FKBP3: variants seen among roughly 807,000 people sequenced by gnomAD.
The protein encoded by FKBP3 is peptidyl-prolyl cis-trans isomerase FKBP3.
Under a neutral mutation model 30.6 loss-of-function variants are expected in FKBP3, and 21 were observed. That is an observed-to-expected ratio of 0.69 (90% CI 0.49 to 0.99). The LOEUF (loss-of-function observed/expected upper bound fraction) is 0.99, where lower values mean the gene tolerates loss of function less well. Ranked by LOEUF, FKBP3 falls within the 50% of genes least tolerant of loss-of-function variation. FKBP3 has a pLI of 0.00. For synonymous variants in FKBP3, 82 were observed against 91.3 expected (o/e 0.90, Z 0.58); for missense variants, 283 against 261.6 (o/e 1.08, Z -0.56).
chr14:45,119,421 A>C (rs1028897822), intron 5 of FKBP3, among the ~76,000 whole-genome samples: 1 of 151,788 alleles, frequency 6.6e-6, no homozygotes. Context: ...TAGGAATGCA[A>C]AATTAGGTGT....
At chr14:45,134,227 A>G in intron 1 of FKBP3, 122 bp downstream of exon 1, 1 of 846,424 alleles carries the variant, frequency 1.2e-6, no homozygotes, top group Non-Finnish European at 1.9e-6. Flanking sequence ...CCGGCCTTCC[A>G]GGCCACCGGC....
rs772262482 is a variant in FKBP3, at chr14:45,120,996, TTTA to T, written c.455-45_455-43del. On this transcript the variant is annotated intron_variant, in intron 4 of 6. Transcript: ENST00000396062. ...CCTTATCATTAATGATATACTCTAA[TTTA>T]TTATTAAGAAATTTCCATTGGAAAT... 42 of 1,416,658 alleles carry T rather than the reference TTTA, an allele frequency of 3.0e-5. No homozygotes were observed. In the African/African-American group the frequency reaches 5.0e-4, roughly 17 times the overall value. 87.8% of individuals were successfully genotyped at this position (1,416,658 alleles called of 1,614,324 possible).
chr14:45,120,576 AAG>A (rs1249284201), intron 5 of FKBP3, among the ~76,000 whole-genome samples: 1 of 152,226 alleles, frequency 6.6e-6, no homozygotes, highest in Non-Finnish European at 1.5e-5. Flanking sequence ...TTACTTTATG[AAG>A]AAAAATAATA....
intron 3 of FKBP3, among the ~76,000 whole-genome samples, chr14:45,122,338 C>G (rs1215053349): frequency 6.6e-6 from 1 of 152,144 alleles, no homozygotes; most frequent in Non-Finnish European, 1.5e-5. Context: ...TATTTGGTTT[C>G]TGAATTCAGA....
intron 5 of FKBP3, among the ~76,000 whole-genome samples, chr14:45,120,636 A>G (rs1396638017): frequency 6.6e-6 from 1 of 152,230 alleles, no homozygotes; most frequent in Non-Finnish European, 1.5e-5. Context: ...CTACTGTATT[A>G]GGTACTTCAA....
At chr14:45,127,885 C>T (rs1020352942) in intron 3 of FKBP3, among the ~76,000 whole-genome samples, 6 of 151,910 alleles carry the variant, frequency 3.9e-5, no homozygotes, top group African/African-American at 1.2e-4. Flanking sequence ...AAGGAATGAA[C>T]GTTTAAAATA....
chr14:45,116,212 C>G lies in FKBP3; in HGVS notation c.661G>C (p.Val221Leu). The G allele has an allele frequency of 6.2e-7, 1 of 1,612,144 alleles. No homozygotes were observed. Among genetic ancestry groups the G allele is most frequent in the Non-Finnish European group, 8.5e-7 (1 of 1,178,350 alleles). The change falls in exon 7 of 7, where the codon GTG becomes CTG. Residue 221 changes from valine (V) to leucine (L), a missense_variant. By Grantham distance (32) the Val-to-Leu change is conservative. Coordinates refer to ENST00000396062, the MANE Select transcript of FKBP3 (RefSeq NM_002013.4). The part of the protein sequence containing the change: ...NAKLTFEVEL[V>L]DID ...GCACTGCTATTTCAATCAATATCCA[C>G]TAATTCCACTTCAAAAGTGAGTTTT... is the stretch of plus-strand genomic sequence containing the variant.
At chr14:45,134,185 G>A (rs990197491) in intron 1 of FKBP3, among the ~76,000 whole-genome samples, 164 bp downstream of exon 1, 6 of 152,220 alleles carry the variant, frequency 3.9e-5, no homozygotes, top group African/African-American at 1.4e-4. Flanking sequence ...CGAGAGGCGG[G>A]AGCGAGGCAC....
chr14:45,116,929 T>C (rs1359350699), intron 6 of FKBP3, among the ~76,000 whole-genome samples: 1 of 152,056 alleles, frequency 6.6e-6, no homozygotes, highest in Non-Finnish European at 1.5e-5. Context: ...GGTCTTGAGA[T>C]GCTTCTTCAC....
intron 3 of FKBP3, among the ~76,000 whole-genome samples, chr14:45,125,010 G>A (rs1283823495): frequency 5.9e-5 from 9 of 151,786 alleles, no homozygotes; most frequent in African/African-American, 1.9e-4. Context: ...TCTGTTTCCC[G>A]AGTTCAAGCA....
At chr14:45,129,969 C>T in intron 2 of FKBP3, 68 bp from the exon 3 acceptor site, 1 of 896,372 alleles carries the variant, frequency 1.1e-6, no homozygotes. Context: ...TCAAGATTTT[C>T]AGCCTCTCAA....
intron 6 of FKBP3, 102 bp from the exon 7 acceptor site, chr14:45,116,354 G>A: frequency 1.3e-6 from 1 of 775,574 alleles, no homozygotes; most frequent in Non-Finnish European, 2.3e-6. Context: ...TAGATAAATT[G>A]AGCTTGGACT....
At chr14:45,119,406 T>A (rs911914824) in intron 5 of FKBP3, among the ~76,000 whole-genome samples, 17 of 151,918 alleles carry the variant, frequency 1.1e-4, no homozygotes, top group African/African-American at 3.1e-4. Context: ...AAACCCCATC[T>A]CTACTAGGAA....
At chr14:45,133,245 AT>A (rs1220945192) in intron 1 of FKBP3, 1 of 165,014 alleles carries the variant, frequency 6.1e-6, no homozygotes, top group Non-Finnish European at 1.4e-5. Flanking sequence ...AGGCGGGCGG[AT>A]CACGAGGTCA....
intron 3 of FKBP3, among the ~76,000 whole-genome samples, chr14:45,126,599 T>C (rs375836146): frequency 1.4e-4 from 22 of 152,106 alleles, no homozygotes; most frequent in African/African-American, 3.9e-4. Flanking sequence ...TGGATATATA[T>C]TGAAGACCAG....
At chr14:45,133,655 CTT>C (rs1189321830) in intron 1 of FKBP3, among the ~76,000 whole-genome samples, 1 of 152,128 alleles carries the variant, frequency 6.6e-6, no homozygotes, top group Non-Finnish European at 1.5e-5. Context: ...ACAAAAATAA[CTT>C]GACTATAGAC....
intron 3 of FKBP3, among the ~76,000 whole-genome samples, chr14:45,127,816 T>C (rs529604713): frequency 6.6e-6 from 1 of 152,236 alleles, no homozygotes; most frequent in Non-Finnish European, 1.5e-5. Context: ...AGGCAAGAAA[T>C]GAACAACGTT....
intron 2 of FKBP3, 130 bp downstream of exon 2, chr14:45,130,569 G>GATTC: frequency 1.9e-6 from 1 of 535,628 alleles, no homozygotes; most frequent in Non-Finnish European, 3.2e-6. Flanking sequence ...GTCCACTTAT[G>GATTC]ATAACAGTTC....
Position 45,121,634 on chromosome 14 carries a change from A to C in FKBP3, c.319-14T>G, listed in dbSNP as rs929976956. The C allele has an allele frequency of 6.2e-7, 1 of 1,611,878 alleles. No homozygotes were observed. The highest frequency in any genetic ancestry group is 8.5e-7 in the Non-Finnish European group (1 of 1,179,314). ...TTTTGGTGGACCCTAAAAACAAAAA[A>C]CAACACACACACACAGAGTTATTAA... On this transcript the variant is annotated splice_polypyrimidine_tract_variant and intron_variant, in intron 3 of 6. Coordinates refer to ENST00000396062, the MANE Select transcript of FKBP3 (RefSeq NM_002013.4).
Sources: allele counts gnomAD v4.1 joint callset (sites outside exome capture counted in the v4.1 genomes callset), GRCh38; gene constraint gnomAD v4.1.1; transcripts MANE v1.5; gene names NCBI Gene and HGNC (gene_info 2026-07-23, HGNC 2026-07-21).